Variants in CSMD2 observed in about 807,000 individuals in gnomAD.
CSMD2 encodes CUB and Sushi multiple domains 2.
CSMD2 carries 130 observed loss-of-function variants against 398.5 expected under a neutral mutation model. The observed-to-expected ratio is 0.33, with a 90% CI of 0.28 to 0.38. The LOEUF (loss-of-function observed/expected upper bound fraction) is 0.38. Among genes scored for constraint, CSMD2 ranks in the 10% least tolerant of loss-of-function variants. The pLI is 1.00. For synonymous variants in CSMD2, 1,828 were observed against 1,908.5 expected (o/e 0.96, Z 1.10); for missense variants, 3,829 against 4,764.9 (o/e 0.80, Z 5.78).
At chr1:34,156,909 G>C (rs989261356) in intron 1 of CSMD2, among the ~76,000 whole-genome samples, 10 of 152,150 alleles carry the variant, frequency 6.6e-5, no homozygotes, top group African/African-American at 2.4e-4. Context: ...GTCTCTAGGA[G>C]AGAGACTCGC....
chr1:33,909,878 T>G (rs995591606), intron 5 of CSMD2, among the ~76,000 whole-genome samples: 1 of 152,176 alleles, frequency 6.6e-6, no homozygotes, highest in African/African-American at 2.4e-5. Context: ...CTTGCAGCCT[T>G]GACTTCCCTA....
At chr1:34,030,355 C>G (rs1650256497) in intron 3 of CSMD2, among the ~76,000 whole-genome samples, 1 of 152,174 alleles carries the variant, frequency 6.6e-6, no homozygotes, top group East Asian at 1.9e-4. Context: ...GTCACAATAG[C>G]TCAACTCTGC....
At chr1:34,132,532 G>T (rs1236431528) in intron 1 of CSMD2, among the ~76,000 whole-genome samples, 1 of 152,214 alleles carries the variant, frequency 6.6e-6, no homozygotes, top group African/African-American at 2.4e-5. Flanking sequence ...TGCCCAGATA[G>T]CTGGGAAAAC....
At chr1:33,667,047 G>C (rs1644341015) in intron 25 of CSMD2, among the ~76,000 whole-genome samples, 2 of 152,220 alleles carry the variant, frequency 1.3e-5, no homozygotes, top group Non-Finnish European at 2.9e-5. Flanking sequence ...CTCCATACTT[G>C]AGTTCAGGTG....
chr1:33,821,314 G>A lies in CSMD2; in HGVS notation c.1112-758C>T, dbSNP rs116611958. On this transcript the variant is annotated intron_variant, in intron 7 of 70. Coordinates refer to ENST00000373381, the MANE Select transcript of CSMD2 (RefSeq NM_001281956.2). ...AGGAGAAGCTTGGTCAGGGGGCAGC[G>A]GATACACACACAGTAGGGAGGGTAG... Among the ~76,000 whole-genome samples the A allele has an allele frequency of 9.2e-3, 1,396 of 152,294 alleles. 16 individuals carry two copies. Among genetic ancestry groups the A allele is most frequent in the African/African-American group, 0.031 (1,280 of 41,560 alleles).
intron 3 of CSMD2, among the ~76,000 whole-genome samples, chr1:34,002,505 G>C (rs1646933604): frequency 6.6e-6 from 1 of 152,138 alleles, no homozygotes; most frequent in South Asian, 2.1e-4. Flanking sequence ...CTACCTCTGA[G>C]GATAGTTGTG....
chr1:33,837,919 C>A (rs770879002), intron 6 of CSMD2, among the ~76,000 whole-genome samples: 9 of 152,176 alleles, frequency 5.9e-5, no homozygotes, highest in Non-Finnish European at 1.2e-4. Context: ...TAAAGGTTAG[C>A]GGGACACATG....
chr1:33,754,109 G>C (rs1444111818), intron 13 of CSMD2, among the ~76,000 whole-genome samples: 2 of 152,194 alleles, frequency 1.3e-5, no homozygotes, highest in Admixed American at 6.5e-5. Flanking sequence ...AAGGACATGA[G>C]ATTTGGGGAG....
intron 7 of CSMD2, among the ~76,000 whole-genome samples, 170 bp downstream of exon 7, chr1:33,825,527 G>A (rs1658701221): frequency 6.6e-6 from 1 of 152,244 alleles, no homozygotes; most frequent in Non-Finnish European, 1.5e-5. Flanking sequence ...CAGGCCCCAG[G>A]GCTGCTCTCT....
chr1:33,702,753 A>G (rs1645651926), intron 22 of CSMD2, among the ~76,000 whole-genome samples: 1 of 152,202 alleles, frequency 6.6e-6, no homozygotes, highest in Non-Finnish European at 1.5e-5. Context: ...AATTATTTAC[A>G]TATCAGCGCC....
At chr1:33,904,381 C>T (rs1642947752) in intron 5 of CSMD2, among the ~76,000 whole-genome samples, 2 of 152,146 alleles carry the variant, frequency 1.3e-5, no homozygotes, top group Admixed American at 1.3e-4. Flanking sequence ...AAATGTCCAT[C>T]AACAGATCAA....
In CSMD2 at chr1:34,132,359, G is replaced by A. The variant is rs144322495; in HGVS notation, c.187+32552C>T. ...TGGTGGGTAACAGGTGGCACCCACC[G>A]AGAACCATCTTGCTTGTTACCCACT... On this transcript the variant is annotated intron_variant, in intron 1 of 70. Coordinates refer to ENST00000373381, the MANE Select transcript of CSMD2 (RefSeq NM_001281956.2). Among the ~76,000 whole-genome samples, 21 of 152,062 alleles carry A rather than the reference G, an allele frequency of 1.4e-4. No individual in the cohort carries two copies. In the East Asian group the frequency reaches 3.1e-3, roughly 22 times the overall value.
At chr1:33,579,990 T>G (rs1179049909) in intron 48 of CSMD2, among the ~76,000 whole-genome samples, 2 of 152,284 alleles carry the variant, frequency 1.3e-5, no homozygotes. Flanking sequence ...CCAACCAATA[T>G]TCTTTAGAAA....
At chr1:33,877,196 T>C (rs1046244098) in intron 5 of CSMD2, among the ~76,000 whole-genome samples, 3 of 152,238 alleles carry the variant, frequency 2.0e-5, no homozygotes, top group African/African-American at 7.2e-5. Flanking sequence ...CTGTTCAGGA[T>C]GGCTATGGCG....
chr1:33,693,355 A>G (rs950422952), intron 24 of CSMD2, among the ~76,000 whole-genome samples: 1 of 152,234 alleles, frequency 6.6e-6, no homozygotes, highest in African/African-American at 2.4e-5. Flanking sequence ...AAGATGTTTA[A>G]CATTGTTAGT....
intron 24 of CSMD2, among the ~76,000 whole-genome samples, chr1:33,698,031 G>A (rs971040835): frequency 6.6e-6 from 1 of 152,196 alleles, no homozygotes; most frequent in African/African-American, 2.4e-5. Flanking sequence ...GGAAAGGTAG[G>A]AGGCAGGACG....
chr1:33,544,130 G>A (rs755967006), intron 57 of CSMD2, among the ~76,000 whole-genome samples: 9 of 142,454 alleles, frequency 6.3e-5, no homozygotes, highest in African/African-American at 1.6e-4. Context: ...TTTTTGAGAC[G>A]GAGTCTCGCT....
intron 44 of CSMD2, among the ~76,000 whole-genome samples, chr1:33,588,371 T>C (rs1417964): frequency 0.37 from 54,162 of 148,264 alleles, 10,552 homozygotes; most frequent in East Asian, 0.57. Context: ...TTTTTATATA[T>C]GCATCTTTTA....
chr1:33,702,449 C>G (rs1645640809), intron 22 of CSMD2, among the ~76,000 whole-genome samples: 1 of 152,126 alleles, frequency 6.6e-6, no homozygotes, highest in Non-Finnish European at 1.5e-5. Flanking sequence ...TGCATCATTA[C>G]AATATTAATT....
Sources: allele counts gnomAD v4.1 joint callset (sites outside exome capture counted in the v4.1 genomes callset), GRCh38; gene constraint gnomAD v4.1.1; transcripts MANE v1.5; gene names NCBI Gene and HGNC (gene_info 2026-07-23, HGNC 2026-07-21).